ATP2B1: variants seen among roughly 807,000 people sequenced by gnomAD.
ATP2B1 encodes ATPase plasma membrane Ca2+ transporting 1.
A neutral mutation model predicts 124.2 loss-of-function variants in ATP2B1; 14 were observed. That is an observed-to-expected ratio of 0.11 (90% confidence interval 0.07 to 0.18). The LOEUF is 0.18. Ranked by LOEUF, ATP2B1 falls within the 10% of genes least tolerant of loss-of-function variation. The probability of loss-of-function intolerance (pLI) is 1.00; values close to 1 mark genes in which losing one functional copy is unlikely to be tolerated. For synonymous variants in ATP2B1, 449 were observed against 492.4 expected, an observed-to-expected ratio of 0.91 and a Z score of 1.17; for missense variants, 763 against 1,466.1, an observed-to-expected ratio of 0.52 and a Z score of 7.83.
intron 2 of ATP2B1, among the ~76,000 whole-genome samples, chr12:89,654,567 T>C (rs1353961689): frequency 6.6e-6 from 1 of 152,190 alleles, no homozygotes; most frequent in Non-Finnish European, 1.5e-5. Context: ...CTCAAGATCA[T>C]GCTACTTCAG....
intron 1 of ATP2B1, among the ~76,000 whole-genome samples, chr12:89,707,167 GC>G (rs1354625062): frequency 6.6e-6 from 1 of 152,140 alleles, no homozygotes; most frequent in African/African-American, 2.4e-5. Context: ...ATCCACCCCT[GC>G]CACACACAAG....
At chr12:89,683,895 C>T (rs1424467514) in intron 1 of ATP2B1, among the ~76,000 whole-genome samples, 1 of 152,002 alleles carries the variant, frequency 6.6e-6, no homozygotes, top group Admixed American at 6.6e-5. Flanking sequence ...ACAAATGAAC[C>T]AAGTTTTTCA....
chr12:89,596,467 G>A (rs1175567099), intron 20 of ATP2B1, among the ~76,000 whole-genome samples: 1 of 151,986 alleles, frequency 6.6e-6, no homozygotes, highest in Non-Finnish European at 1.5e-5. Flanking sequence ...GGAAATTTTG[G>A]GGGCAACCAG....
Position 89,610,408 on chromosome 12 carries a change from A to T in ATP2B1, c.2335+13T>A, listed in dbSNP as rs762468634. ...TATTAAGAAATTGTGAAATAACTGA[A>T]AAATCTACTTACCTTTAACCAGTGT... is the stretch of plus-strand genomic sequence containing the variant. On this transcript the variant is annotated intron_variant, in intron 14 of 20. Transcript: ENST00000428670. The T allele has an allele frequency of 6.2e-7, 1 of 1,608,010 alleles. No individual in the cohort carries two copies. Among genetic ancestry groups the T allele is most frequent in the East Asian group, 2.2e-5 (1 of 44,818 alleles).
In ATP2B1 at chr12:89,603,145, G is replaced by A. The variant is rs1005125190; in HGVS notation, c.2958C>T (p.Asn986=). 16 of 1,613,680 alleles carry A rather than the reference G, an allele frequency of 9.9e-6. No individual in the cohort carries two copies. Among genetic ancestry groups the A allele is most frequent in the Admixed American group, 1.7e-5 (1 of 59,994 alleles). Residue 986 remains asparagine, a synonymous_variant, in exon 18 of 21, where the codon AAC becomes AAT. Transcript: ENST00000428670. The surrounding 1 kb of genome is among the most constrained non-coding windows in gnomAD (Gnocchi z 4.3). The part of the protein sequence containing the change: ...FNTFVLMQLF[N]EINARKIHGE... ...CATGAATTTTCCGGGCATTTATTTCGTTGAAAAGTTGCATCAGCACAAAGG... is the reference window on the plus strand; with the variant it reads ...CATGAATTTTCCGGGCATTTATTTCATTGAAAAGTTGCATCAGCACAAAGG...
At chr12:89,647,002 A>G (rs565124925) in intron 2 of ATP2B1, among the ~76,000 whole-genome samples, 23 of 152,334 alleles carry the variant, frequency 1.5e-4, no homozygotes, top group African/African-American at 4.8e-4. Context: ...TCTAATACAG[A>G]TGCAGGAGGA....
At chr12:89,696,186 G>C (rs1009515471) in intron 1 of ATP2B1, among the ~76,000 whole-genome samples, 7 of 152,186 alleles carry the variant, frequency 4.6e-5, no homozygotes, top group African/African-American at 1.2e-4. Flanking sequence ...GAAAAGTAAA[G>C]CAGAGACCTG....
intron 1 of ATP2B1, among the ~76,000 whole-genome samples, chr12:89,663,633 T>C (rs1286785773): frequency 1.3e-5 from 2 of 152,210 alleles, no homozygotes; most frequent in Non-Finnish European, 2.9e-5. Flanking sequence ...GTTTCTACAC[T>C]ATCTCCCACT....
upstream of ATP2B1, chr12:89,709,202 GGGA>G (rs1892923799): frequency 6.6e-6 from 1 of 151,362 alleles, no homozygotes; most frequent in Non-Finnish European, 1.5e-5. Flanking sequence ...GGTAGGCAGG[GGGA>G]GGAGAACGCT....
Position 89,658,787 on chromosome 12 carries a change from G to A in ATP2B1, c.-221-2680C>T, listed in dbSNP as rs1039414040. Among the ~76,000 whole-genome samples, 9 of 152,070 alleles carry A rather than the reference G, an allele frequency of 5.9e-5. No homozygotes were observed. In the East Asian group the frequency reaches 1.7e-3, roughly 29 times the overall value. On this transcript the variant is annotated intron_variant, in intron 1 of 20. Transcript: ENST00000428670. ...CAGGGGTTGAGTTTTCTATTACTTT[G>A]CAAGCCACAGAGCTTTGATAAGCAC...
chr12:89,648,506 T>C (rs896298492), intron 2 of ATP2B1, among the ~76,000 whole-genome samples: 11 of 152,190 alleles, frequency 7.2e-5, no homozygotes, highest in Non-Finnish European at 1.5e-4. Flanking sequence ...AGAACAGGCA[T>C]GGCTGATTCA....
intron 1 of ATP2B1, among the ~76,000 whole-genome samples, chr12:89,699,690 CA>C (rs1891590442): frequency 1.3e-5 from 2 of 152,130 alleles, no homozygotes; most frequent in African/African-American, 2.4e-5. Context: ...CTTAACATAT[CA>C]TGGAGTAAAA....
At chr12:89,612,354 G>A (rs937630043) in intron 12 of ATP2B1, among the ~76,000 whole-genome samples, 3 of 151,538 alleles carry the variant, frequency 2.0e-5, no homozygotes, top group Non-Finnish European at 2.9e-5. Flanking sequence ...AAATCCACAC[G>A]GATCCTACTG....
chr12:89,637,287 G>T (rs1237716953), intron 3 of ATP2B1, among the ~76,000 whole-genome samples: 1 of 152,088 alleles, frequency 6.6e-6, no homozygotes, highest in Non-Finnish European at 1.5e-5. Flanking sequence ...TTCCCACTTG[G>T]ATTTATATAA....
intron 5 of ATP2B1, among the ~76,000 whole-genome samples, chr12:89,631,183 T>C (rs916276765): frequency 1.3e-5 from 2 of 152,198 alleles, no homozygotes; most frequent in African/African-American, 2.4e-5. Flanking sequence ...TCACTTACCA[T>C]GTAATATTAG....
At chr12:89,639,499 G>A (rs1027307062) in intron 3 of ATP2B1, among the ~76,000 whole-genome samples, 2 of 151,140 alleles carry the variant, frequency 1.3e-5, no homozygotes, top group Admixed American at 1.3e-4. Context: ...GTGAGACTCT[G>A]TCTCAATATA....
At chr12:89,647,582 T>A (rs2136290367) in intron 2 of ATP2B1, among the ~76,000 whole-genome samples, 1 of 152,346 alleles carries the variant, frequency 6.6e-6, no homozygotes, top group East Asian at 1.9e-4. Context: ...ACACAGCACA[T>A]ACTACAGTCT....
intron 2 of ATP2B1, among the ~76,000 whole-genome samples, chr12:89,644,580 A>T (rs1884150774): frequency 6.6e-6 from 1 of 152,164 alleles, no homozygotes; most frequent in Non-Finnish European, 1.5e-5. Context: ...AAAGCTTCCA[A>T]AGAGCTCTAA....
intron 9 of ATP2B1, 102 bp downstream of exon 9, chr12:89,624,081 G>T: frequency 1.0e-6 from 1 of 994,188 alleles, no homozygotes; most frequent in Non-Finnish European, 1.5e-6. Flanking sequence ...TTATATGAAA[G>T]TCCTCACTTT....
Sources: allele counts gnomAD v4.1 joint callset (sites outside exome capture counted in the v4.1 genomes callset), GRCh38; gene constraint gnomAD v4.1.1; non-coding constraint Gnocchi (gnomAD v3.1); transcripts MANE v1.5; gene names NCBI Gene and HGNC (gene_info 2026-07-23, HGNC 2026-07-21).